ARHGEF7: variants seen among roughly 807,000 people sequenced by gnomAD.
ARHGEF7 encodes Rho guanine nucleotide exchange factor 7.
Under a neutral mutation model 109.8 loss-of-function variants are expected in ARHGEF7, and 33 were observed. The observed-to-expected ratio is 0.30, with a 90% confidence interval of 0.23 to 0.40. The LOEUF (loss-of-function observed/expected upper bound fraction) is 0.40. Ranked by LOEUF, ARHGEF7 falls within the 10% of genes least tolerant of loss-of-function variation. ARHGEF7 has a pLI of 1.00. For missense variants in ARHGEF7, 938 were observed against 1,098.5 expected (o/e 0.85, Z 2.07); for synonymous variants, 458 against 424.6 (o/e 1.08, Z -0.97).
chr13:111,258,720 T>G lies in ARHGEF7; in HGVS notation c.951-8828T>G, dbSNP rs2090741245. On this transcript the variant is annotated intron_variant, in intron 8 of 21. Transcript: ENST00000646102. This position sits in a 1 kb window ranked among gnomAD's most constrained non-coding sequence, Gnocchi z 4.4. Reference sequence around the variant, plus strand: ...TGAGAAAAGGAGAGGAGACTTTGTCTTGCAGCGTAGGTATCTGCCCAGCCA... The same window carrying G: ...TGAGAAAAGGAGAGGAGACTTTGTCGTGCAGCGTAGGTATCTGCCCAGCCA... Among the ~76,000 whole-genome samples the G allele has an allele frequency of 6.6e-6, 1 of 152,156 alleles. No homozygotes were observed. Among genetic ancestry groups the G allele is most frequent in the Admixed American group, 6.5e-5 (1 of 15,294 alleles).
At chr13:111,284,705 C>T (rs1327645738) in intron 16 of ARHGEF7, among the ~76,000 whole-genome samples, 2 of 152,210 alleles carry the variant, frequency 1.3e-5, no homozygotes, top group East Asian at 1.9e-4. Flanking sequence ...GAGCAGCTGC[C>T]GTCCAGTGTT....
At chr13:111,130,453 A>G (rs549434565) in intron 1 of ARHGEF7, among the ~76,000 whole-genome samples, 25 of 152,318 alleles carry the variant, frequency 1.6e-4, no homozygotes, top group African/African-American at 6.0e-4. Flanking sequence ...CTACTTTTGA[A>G]CCTAATCGTG....
At chr13:111,219,419 C>T (rs182695683) in intron 5 of ARHGEF7, among the ~76,000 whole-genome samples, 2 of 152,334 alleles carry the variant, frequency 1.3e-5, no homozygotes, top group Admixed American at 1.3e-4. Flanking sequence ...ACTTTCACCT[C>T]TTGGCTATGT....
intron 2 of ARHGEF7, among the ~76,000 whole-genome samples, chr13:111,180,950 C>T (rs1376663602): frequency 6.6e-6 from 1 of 152,114 alleles, no homozygotes; most frequent in African/African-American, 2.4e-5. Context: ...TCAAAATGCC[C>T]CCCATCATTC....
chr13:111,161,581 C>T (rs996365280), intron 2 of ARHGEF7, among the ~76,000 whole-genome samples: 2 of 152,116 alleles, frequency 1.3e-5, no homozygotes, highest in African/African-American at 4.8e-5. Context: ...ATTATTCTTT[C>T]GTGTAGTTGG....
rs1341683670 is a variant in ARHGEF7, at chr13:111,305,159, G to C, written c.*2046G>C. 6.6e-6 allele frequency: 1 copy of C among 152,238 alleles called. No individual in the cohort carries two copies. Among genetic ancestry groups the C allele is most frequent in the African/African-American group, 2.4e-5 (1 of 41,454 alleles). 9.4% of individuals were successfully genotyped at this position (152,238 alleles called of 1,614,324 possible). Reference sequence around the variant, plus strand: ...AACAGCCCTTCCCCTGGACGGTGCGGCCATGAGGGCCTCATGTTACGGCAT... The same window carrying C: ...AACAGCCCTTCCCCTGGACGGTGCGCCCATGAGGGCCTCATGTTACGGCAT... On this transcript the variant is annotated 3_prime_UTR_variant, in exon 22 of 22. Coordinates refer to ENST00000646102, the MANE Select transcript of ARHGEF7 (RefSeq NM_001354046.2).
At chr13:111,204,504 CTGTT>C (rs1341914505) in intron 2 of ARHGEF7, among the ~76,000 whole-genome samples, 3 of 152,274 alleles carry the variant, frequency 2.0e-5, no homozygotes, top group African/African-American at 4.8e-5. Context: ...GATGAGAGCT[CTGTT>C]TGTTTTGACA....
chr13:111,280,772 A>G, intron 15 of ARHGEF7, 95 bp downstream of exon 15: 3 of 1,346,140 alleles, frequency 2.2e-6, no homozygotes, highest in Non-Finnish European at 3.0e-6. Flanking sequence ...AAACCTAATC[A>G]ATATTTGGAT....
intron 9 of ARHGEF7, among the ~76,000 whole-genome samples, chr13:111,271,585 C>T (rs759509720): frequency 5.3e-5 from 8 of 152,174 alleles, no homozygotes; most frequent in Non-Finnish European, 8.8e-5. Context: ...AAGTTACAGA[C>T]AAAAGATGTT....
chr13:111,291,870 T>C (rs2093297441), intron 18 of ARHGEF7, among the ~76,000 whole-genome samples: 1 of 152,216 alleles, frequency 6.6e-6, no homozygotes, highest in Non-Finnish European at 1.5e-5. Flanking sequence ...TGAAACATTG[T>C]ATATTAGGTT....
rs994150846 is a variant in ARHGEF7, at chr13:111,258,949, C to A, written c.951-8599C>A. Among the ~76,000 whole-genome samples, 2 of 152,190 alleles carry A rather than the reference C, an allele frequency of 1.3e-5. No individual in the cohort carries two copies. Among genetic ancestry groups the A allele is most frequent in the Admixed American group, 1.3e-4 (2 of 15,286 alleles). ...ATTAGCAATAAACAGGCAGTACTTG[C>A]TGCAGGCCCGGTGGTGGCTACAGGG... On this transcript the variant is annotated intron_variant, in intron 8 of 21. Coordinates refer to ENST00000646102, the MANE Select transcript of ARHGEF7 (RefSeq NM_001354046.2). This position sits in a 1 kb window ranked among gnomAD's most constrained non-coding sequence, Gnocchi z 4.4.
chr13:111,212,009 C>G (rs1450267224), intron 4 of ARHGEF7, among the ~76,000 whole-genome samples: 2 of 152,148 alleles, frequency 1.3e-5, no homozygotes, highest in African/African-American at 2.4e-5. Context: ...GTTTATGCCC[C>G]TTTGCTCTTG....
intron 8 of ARHGEF7, among the ~76,000 whole-genome samples, chr13:111,261,295 A>G (rs75115229): frequency 0.022 from 3,350 of 152,304 alleles, 124 homozygotes; most frequent in African/African-American, 0.077. Flanking sequence ...CCATGCAAAT[A>G]GGAACCAAAA....
intron 19 of ARHGEF7, 65 bp downstream of exon 19, chr13:111,292,359 T>C: frequency 3.1e-6 from 5 of 1,597,878 alleles, no homozygotes; most frequent in Non-Finnish European, 4.3e-6. Flanking sequence ...TCTTAACAAA[T>C]GCTTGTTGTA....
intron 7 of ARHGEF7, 112 bp from the exon 8 acceptor site, chr13:111,244,085 TTA>T: frequency 8.3e-7 from 1 of 1,208,108 alleles, no homozygotes; most frequent in Non-Finnish European, 1.2e-6. Flanking sequence ...CCAGTTTGCC[TTA>T]GACATCAGCT....
chr13:111,244,005 C>G (rs763057563), intron 7 of ARHGEF7, 39 bp downstream of exon 7: 1 of 1,509,546 alleles, frequency 6.6e-7, no homozygotes, highest in Admixed American at 1.7e-5. Flanking sequence ...GTAAAATAGT[C>G]TAAACCTTAG....
chr13:111,212,329 C>T (rs59744697), intron 4 of ARHGEF7, among the ~76,000 whole-genome samples: 271 of 152,170 alleles, frequency 1.8e-3, no homozygotes, highest in African/African-American at 6.3e-3. Flanking sequence ...TTATCCAGTT[C>T]GGCTCTGTGA....
Position 111,303,175 on chromosome 13 carries a change from C to G in ARHGEF7, c.*62C>G. The stretch of plus-strand genomic sequence containing the variant: ...TGAGGTGAAGCTGGGCACCCCTGAC[C>G]CAAGTCGGGGTGCACTCAGGACCAC... On this transcript the variant is annotated 3_prime_UTR_variant, in exon 22 of 22. Coordinates refer to ENST00000646102, the MANE Select transcript of ARHGEF7 (RefSeq NM_001354046.2). 1 of 1,467,670 alleles carries G rather than the reference C, an allele frequency of 6.8e-7. No homozygotes were observed. Among genetic ancestry groups the G allele is most frequent in the Non-Finnish European group, 9.2e-7 (1 of 1,087,156 alleles). The allele number at this position is 1,467,670 out of a possible 1,614,324, so 90.9% of individuals were successfully genotyped here.
At chr13:111,126,728 C>T (rs908027295) in intron 1 of ARHGEF7, among the ~76,000 whole-genome samples, 1 of 152,174 alleles carries the variant, frequency 6.6e-6, no homozygotes, top group African/African-American at 2.4e-5. Context: ...GCAATGTCAG[C>T]TATCTAGGGT....
Sources: allele counts gnomAD v4.1 joint callset (sites outside exome capture counted in the v4.1 genomes callset), GRCh38; gene constraint gnomAD v4.1.1; non-coding constraint Gnocchi (gnomAD v3.1); transcripts MANE v1.5; gene names NCBI Gene and HGNC (gene_info 2026-07-23, HGNC 2026-07-21).